ZZZ3: variants seen among roughly 807,000 people sequenced by gnomAD.
ZZZ3 encodes the protein ZZ-type zinc finger-containing protein 3.
In ZZZ3, 22 loss-of-function variants were observed where a neutral mutation model predicts 95.2. The ratio of observed to expected loss-of-function variants is 0.23; its 90% CI spans 0.17 to 0.33. The LOEUF (loss-of-function observed/expected upper bound fraction) is 0.33. Among genes scored for constraint, ZZZ3 ranks in the 10% least tolerant of loss-of-function variants. ZZZ3 has a pLI of 1.00. For synonymous variants in ZZZ3, 335 were observed against 358.9 expected (o/e 0.93, Z 0.75); for missense variants, 885 against 1,066.5 (o/e 0.83, Z 2.37).
At chr1:77,571,716 G>T (rs773813484) in intron 12 of ZZZ3, among the ~76,000 whole-genome samples, 4 of 152,170 alleles carry the variant, frequency 2.6e-5, no homozygotes, top group Non-Finnish European at 4.4e-5. Context: ...CTTATTTGAG[G>T]TATGTAGAGT....
chr1:77,584,665 CAAA>C lies in ZZZ3; in HGVS notation c.1506-13_1506-11del. The C allele has an allele frequency of 6.5e-7, 1 of 1,534,958 alleles. No individual in the cohort carries two copies. Among genetic ancestry groups the C allele is most frequent in the Non-Finnish European group, 8.7e-7 (1 of 1,147,702 alleles). On this transcript the variant is annotated splice_polypyrimidine_tract_variant and intron_variant, in intron 5 of 14. Transcript: ENST00000370801. ...TAATAGTCTCTGATAACTACAGAGACAAAGAAAAATATTTCACAAAAATTTTCT... is the reference window on the plus strand; with the variant it reads ...TAATAGTCTCTGATAACTACAGAGACGAAAAATATTTCACAAAAATTTTCT...
chr1:77,616,602 C>T (rs1264750076), intron 5 of ZZZ3, among the ~76,000 whole-genome samples: 2 of 152,178 alleles, frequency 1.3e-5, no homozygotes, highest in African/African-American at 4.8e-5. Context: ...CGGAGGCTCA[C>T]GCCTGTAATC....
chr1:77,571,753 G>C (rs567094289), intron 12 of ZZZ3, among the ~76,000 whole-genome samples: 1 of 152,130 alleles, frequency 6.6e-6, no homozygotes, highest in East Asian at 1.9e-4. Flanking sequence ...ATGGAAAGCA[G>C]AATAATGACT....
At chr1:77,677,961 T>C (rs1347438445) in intron 1 of ZZZ3, among the ~76,000 whole-genome samples, 1 of 152,140 alleles carries the variant, frequency 6.6e-6, no homozygotes, top group African/African-American at 2.4e-5. Context: ...TATACACAAG[T>C]CAAAGACTAT....
In ZZZ3 at chr1:77,641,403, TAAGA is replaced by T. The variant is rs1668766051; in HGVS notation, c.-229_-226del. 1.0e-5 allele frequency: 4 copies of T among 394,032 alleles called. No homozygotes were observed. Among genetic ancestry groups the T allele is most frequent in the African/African-American group, 8.2e-5 (4 of 48,642 alleles). The allele number at this position is 394,032 out of a possible 1,614,324, so 24.4% of individuals were successfully genotyped here. A position where few individuals can be genotyped will look rare whatever the true frequency, so the allele number is the denominator to read the frequency against. ...ACTTACAGCTGAGCTCTATCAGCATTAAGATAGACAGGATCCTGCAGTGTTTCTT... is the reference window on the plus strand; with the variant it reads ...ACTTACAGCTGAGCTCTATCAGCATTTAGACAGGATCCTGCAGTGTTTCTT... On this transcript the variant is annotated 5_prime_UTR_variant, in exon 3 of 15. Transcript: ENST00000370801.
intron 1 of ZZZ3, among the ~76,000 whole-genome samples, chr1:77,664,946 G>C (rs566882723): frequency 1.8e-4 from 27 of 152,222 alleles, no homozygotes; most frequent in African/African-American, 6.5e-4. Context: ...TTAAAAATAA[G>C]ACCTTATGCT....
chr1:77,615,289 C>T (rs1204546697), intron 5 of ZZZ3, among the ~76,000 whole-genome samples: 1 of 152,106 alleles, frequency 6.6e-6, no homozygotes, highest in Non-Finnish European at 1.5e-5. Flanking sequence ...TGCTTTTTAC[C>T]AATATGTTTA....
intron 12 of ZZZ3, among the ~76,000 whole-genome samples, chr1:77,573,245 G>C (rs547210632): frequency 6.6e-6 from 1 of 151,832 alleles, no homozygotes; most frequent in East Asian, 1.9e-4. Flanking sequence ...TCAGCCTCCT[G>C]AGTAGCTGAG....
chr1:77,672,718 G>A lies in ZZZ3; in HGVS notation c.-403+9867C>T, dbSNP rs897585036. 9.8e-5 allele frequency among the ~76,000 whole-genome samples: 15 copies of A among 152,288 alleles called. 1 individual carries two copies. The highest frequency in any genetic ancestry group is 6.2e-4 in the South Asian group (3 of 4,826). ...GGTGAAATTCTCTTAACTACAGAAA[G>A]AGAAGTAGCTACCCATGTGCTTGGC... On this transcript the variant is annotated intron_variant, in intron 1 of 14. Transcript: ENST00000370801.
intron 1 of ZZZ3, among the ~76,000 whole-genome samples, chr1:77,647,339 C>A (rs561138119): frequency 6.6e-6 from 1 of 152,012 alleles, no homozygotes; most frequent in African/African-American, 2.4e-5. Flanking sequence ...GCCAACATGG[C>A]GAAAACCCAT....
At chr1:77,619,271 C>T (rs1666620350) in intron 5 of ZZZ3, among the ~76,000 whole-genome samples, 1 of 152,102 alleles carries the variant, frequency 6.6e-6, no homozygotes, top group South Asian at 2.1e-4. Context: ...TCAAATATAG[C>T]CCAAACTACA....
At chr1:77,680,345 T>C (rs1672643124) in intron 1 of ZZZ3, among the ~76,000 whole-genome samples, 1 of 152,258 alleles carries the variant, frequency 6.6e-6, no homozygotes, top group South Asian at 2.1e-4. Context: ...ACCATGGCTC[T>C]TGCCTCACTG....
Position 77,632,817 on chromosome 1 carries a change from C to T in ZZZ3, c.538G>A (p.Val180Met), listed in dbSNP as rs751785928. The change falls in exon 5 of 15, where the codon GTG becomes ATG. Residue 180 changes from valine to methionine, a missense_variant. This residue lies in a region of ZZZ3 where 556 missense variants were observed against 652.9 expected (regional missense o/e 0.85). Transcript: ENST00000370801. ...AGTGGCCCTTCCTCACTGACATTCA[C>T]CTTTTTAATTTCCCTTTTCTCACAA... ...DDCEKREIKK[V>M]NVSEEGPLNS... The T allele has an allele frequency of 7.4e-6, 12 of 1,614,174 alleles. No individual in the cohort carries two copies. Among genetic ancestry groups the T allele is most frequent in the Non-Finnish European group, 1.0e-5 (12 of 1,180,030 alleles).
rs10581619 is a variant in ZZZ3, at chr1:77,568,471, CA to C, written c.2332-6del. The C allele has an allele frequency of 0.13, 75,722 of 584,016 alleles. 425 individuals are homozygous for C. Among genetic ancestry groups the C allele is most frequent in the East Asian group, 0.2 (4,266 of 20,810 alleles). 36.2% of individuals were successfully genotyped at this position (584,016 alleles called of 1,614,324 possible). On this transcript the variant is annotated splice_region_variant and splice_polypyrimidine_tract_variant and intron_variant, in intron 12 of 14. Transcript: ENST00000370801. Reference sequence around the variant, plus strand: ...GATAGGAATACTTTCGTCATCCTATCAAAAAAAAAAAAAAAAAAAAATGTTG... The same window carrying C: ...GATAGGAATACTTTCGTCATCCTATCAAAAAAAAAAAAAAAAAAAATGTTG...
In ZZZ3 at chr1:77,589,140, G is replaced by A. The variant is rs374951947; in HGVS notation, c.1506-4485C>T. 1.3e-3 allele frequency among the ~76,000 whole-genome samples: 193 copies of A among 152,240 alleles called. 6 individuals are homozygous for A. The South Asian group carries it at 0.039, about 30-fold the overall frequency. ...TTTCCTCCCACCTTGGCCTCCCAAAGTGTTGGGATTATAGGCGTGAGCCCC... is the reference window on the plus strand; with the variant it reads ...TTTCCTCCCACCTTGGCCTCCCAAAATGTTGGGATTATAGGCGTGAGCCCC... On this transcript the variant is annotated intron_variant, in intron 5 of 14. Transcript: ENST00000370801.
chr1:77,586,498 G>A (rs1663094354), intron 5 of ZZZ3, among the ~76,000 whole-genome samples: 2 of 152,124 alleles, frequency 1.3e-5, no homozygotes, highest in Admixed American at 1.3e-4. Flanking sequence ...TGTTAGGTTT[G>A]GAGCAAACAG....
intron 4 of ZZZ3, among the ~76,000 whole-genome samples, chr1:77,636,705 GAAAA>G (rs10568853): frequency 1.5e-5 from 1 of 67,644 alleles, no homozygotes. Flanking sequence ...GCCCTGTCTT[GAAAA>G]AAAAAAAAAA....
Position 77,655,415 on chromosome 1 carries a change from T to C in ZZZ3, c.-402-13760A>G, listed in dbSNP as rs151042163. Among the ~76,000 whole-genome samples the C allele has an allele frequency of 7.2e-4, 110 of 152,346 alleles. 2 individuals carry two copies. In the East Asian group the frequency reaches 0.021, roughly 29 times the overall value. ...GAATTACCTTTACTTTGATTGGGTT[T>C]AGTCAAGTTTAAGCCCCTTCAGCCA... On this transcript the variant is annotated intron_variant, in intron 1 of 14. Transcript: ENST00000370801.
chr1:77,629,293 T>C (rs1190427503), intron 5 of ZZZ3, among the ~76,000 whole-genome samples: 2 of 152,154 alleles, frequency 1.3e-5, no homozygotes, highest in Middle Eastern at 3.4e-3. Flanking sequence ...TTGCTTCCTT[T>C]GAAAAAAAAG....
Sources: gnomAD v4.1 joint callset for allele counts (sites outside exome capture counted in the v4.1 genomes callset) on GRCh38, gnomAD v4.1.1 for gene constraint, gnomAD v4.1.1 regional missense constraint, MANE v1.5 for transcripts, NCBI Gene and HGNC (gene_info 2026-07-23, HGNC 2026-07-21) for gene names.